Variants in DIP2C observed in about 807,000 individuals in gnomAD.
DIP2C encodes the protein disco-interacting protein 2 homolog C.
A neutral mutation model predicts 192.4 loss-of-function variants in DIP2C; 33 were observed. The ratio of observed to expected loss-of-function variants is 0.17; its 90% CI spans 0.13 to 0.23. The LOEUF is 0.23. Among genes scored for constraint, DIP2C ranks in the 10% least tolerant of loss-of-function variants. The pLI is 1.00. For synonymous variants in DIP2C, 979 were observed against 864.1 expected (o/e 1.13, Z -2.33); for missense variants, 1,537 against 2,110.1 (o/e 0.73, Z 5.32).
At chr10:554,504 TAAAATAACTTA>T (rs1454431265) in intron 1 of DIP2C, among the ~76,000 whole-genome samples, 1 of 152,240 alleles carries the variant, frequency 6.6e-6, no homozygotes, top group East Asian at 1.9e-4. Context: ...TTATAAGTTA[TAAAATAACTTA>T]AATACTTCAC....
At chr10:414,739 G>GTGTGTGTATATATA in intron 7 of DIP2C, among the ~76,000 whole-genome samples, 2,379 of 90,446 alleles carry the variant, frequency 0.026, 171 homozygotes, top group East Asian at 0.042. Context: ...GTGTGTGTGT[G>GTGTGTGTATATATA]TACATATATA....
intron 1 of DIP2C, among the ~76,000 whole-genome samples, chr10:590,646 T>C (rs751694585): frequency 1.1e-4 from 17 of 152,194 alleles, no homozygotes; most frequent in Non-Finnish European, 1.5e-4. Context: ...CCAGAGGCCA[T>C]AGTCTGCTCC....
chr10:514,616 T>A (rs1846233862), intron 1 of DIP2C, among the ~76,000 whole-genome samples: 1 of 152,100 alleles, frequency 6.6e-6, no homozygotes, highest in Non-Finnish European at 1.5e-5. Context: ...AGGCACATGC[T>A]CCCTTCGCCA....
In DIP2C at chr10:361,065, G is replaced by A. The variant is rs191610506; in HGVS notation, c.2794+1425C>T. ...TGCGTATCAGGCCCTCAGCAGAGAC[G>A]TAGGGCCTCAGCTCTGCCAGTTAAT... On this transcript the variant is annotated intron_variant, in intron 22 of 36. Coordinates refer to ENST00000280886, the MANE Select transcript of DIP2C (RefSeq NM_014974.3). Among the ~76,000 whole-genome samples, 4 of 152,264 alleles carry A rather than the reference G, an allele frequency of 2.6e-5. No homozygotes were observed. The East Asian group carries it at 5.8e-4, about 22-fold the overall frequency.
At chr10:499,762 G>A (rs1007573093) in intron 1 of DIP2C, among the ~76,000 whole-genome samples, 1 of 152,228 alleles carries the variant, frequency 6.6e-6, no homozygotes, top group African/African-American at 2.4e-5. Flanking sequence ...TTCGAGATGA[G>A]ATTTGGGTGG....
chr10:618,205 A>C (rs565479228), intron 1 of DIP2C, among the ~76,000 whole-genome samples: 2 of 152,138 alleles, frequency 1.3e-5, no homozygotes, highest in South Asian at 4.1e-4. Flanking sequence ...TTTTTCTGAT[A>C]ATATTTTCTT....
intron 4 of DIP2C, among the ~76,000 whole-genome samples, chr10:440,596 G>C (rs191527087): frequency 6.6e-6 from 1 of 152,108 alleles, no homozygotes; most frequent in Non-Finnish European, 1.5e-5. Flanking sequence ...CCCCTACAAA[G>C]AATTAAATGA....
At chr10:414,734 T>TATATATATATATATATATATATA (rs1965445124) in intron 7 of DIP2C, among the ~76,000 whole-genome samples, 1 of 86,598 alleles carries the variant, frequency 1.2e-5, no homozygotes, top group African/African-American at 4.6e-5. Flanking sequence ...TGTGTGTGTG[T>TATATATATATATATATATATATA]GTGTGTACAT....
At chr10:571,315 C>A (rs989232688) in intron 1 of DIP2C, among the ~76,000 whole-genome samples, 10 of 152,136 alleles carry the variant, frequency 6.6e-5, no homozygotes, top group African/African-American at 2.4e-4. Context: ...CCAATCAGCT[C>A]CCCCCGGCCA....
At chr10:454,272 G>C (rs1321862630) in intron 3 of DIP2C, among the ~76,000 whole-genome samples, 1 of 151,640 alleles carries the variant, frequency 6.6e-6, no homozygotes, top group South Asian at 2.1e-4. Context: ...TGCTAGTGAA[G>C]AGTTTGTTGG....
At chr10:294,860 C>G (rs1332347667) in intron 32 of DIP2C, among the ~76,000 whole-genome samples, 1 of 151,828 alleles carries the variant, frequency 6.6e-6, no homozygotes, top group Non-Finnish European at 1.5e-5. Context: ...GCAAAGGAAA[C>G]AAAGTGAAAA....
intron 1 of DIP2C, among the ~76,000 whole-genome samples, chr10:568,350 C>G (rs139490126): frequency 6.6e-6 from 1 of 152,140 alleles, no homozygotes; most frequent in South Asian, 2.1e-4. Flanking sequence ...AGAGTTCTAC[C>G]GTGGGGTGAG....
intron 24 of DIP2C, among the ~76,000 whole-genome samples, chr10:349,840 T>A (rs1256355435): frequency 6.6e-6 from 1 of 152,154 alleles, no homozygotes; most frequent in Non-Finnish European, 1.5e-5. Flanking sequence ...CACCTGCACA[T>A]CGGAAGACTA....
At chr10:579,566 A>G (rs1006512615) in intron 1 of DIP2C, among the ~76,000 whole-genome samples, 1 of 151,844 alleles carries the variant, frequency 6.6e-6, no homozygotes, top group Admixed American at 6.5e-5. Flanking sequence ...TAGGTACACT[A>G]TAACACATGC....
intron 4 of DIP2C, chr10:430,306 A>G (rs1047323233): frequency 2.0e-5 from 3 of 152,206 alleles, no homozygotes; most frequent in African/African-American, 4.8e-5. Context: ...ACTACTGATC[A>G]GCTTAGGAAT....
At chr10:479,809 G>A (rs1383348096) in intron 2 of DIP2C, among the ~76,000 whole-genome samples, 5 of 152,254 alleles carry the variant, frequency 3.3e-5, no homozygotes, top group Admixed American at 2.0e-4. Flanking sequence ...CATCTCATCC[G>A]CCAGCCTGAG....
Position 364,396 on chromosome 10 carries a change from T to C in DIP2C, c.2455A>G (p.Met819Val). ...IVATALAVEP[M>V]KFVYRGRIAV... ...GACCTTCCCCGGTAGACAAACTTCA[T>C]GGGTTCTACGGCCAGCGCAGTGGCC... The change falls in exon 20 of 37, where the codon ATG becomes GTG. Residue 819 changes from methionine to valine, a missense_variant. Physicochemically the swap from Met to Val is conservative, Grantham distance 21. Transcript: ENST00000280886. 1 of 1,612,974 alleles carries C rather than the reference T, an allele frequency of 6.2e-7. No individual in the cohort carries two copies. The highest frequency in any genetic ancestry group is 8.5e-7 in the Non-Finnish European group (1 of 1,179,026).
At chr10:348,620 C>T (rs377574974) in intron 26 of DIP2C, 21 bp downstream of exon 26, 224 of 1,609,608 alleles carry the variant, frequency 1.4e-4, no homozygotes, top group African/African-American at 2.8e-4. Flanking sequence ...GTGGAGGCCC[C>T]GACATTCCCA....
At chr10:378,120 C>G (rs1448863731) in intron 17 of DIP2C, among the ~76,000 whole-genome samples, 1 of 152,142 alleles carries the variant, frequency 6.6e-6, no homozygotes, top group African/African-American at 2.4e-5. Context: ...TGAGTTTAGG[C>G]ACCACAAGCC....
Sources: gnomAD v4.1 joint callset for allele counts (sites outside exome capture counted in the v4.1 genomes callset) on GRCh38, gnomAD v4.1.1 for gene constraint, MANE v1.5 for transcripts, NCBI Gene and HGNC (gene_info 2026-07-23, HGNC 2026-07-21) for gene names.